The following FBXL13 variants were observed in gnomAD, a reference collection of about 807,000 sequenced individuals.
The protein encoded by FBXL13 is F-box and leucine rich repeat protein 13.
A neutral mutation model predicts 83.6 loss-of-function variants in FBXL13; 67 were observed. The observed-to-expected ratio is 0.80, with a 90% CI of 0.66 to 0.98. The LOEUF is 0.98. FBXL13 is among the 50% of genes least tolerant of loss of function. FBXL13 has a pLI of 0.00. For synonymous variants in FBXL13, 272 were observed against 299.5 expected (o/e 0.91, Z 0.95); for missense variants, 822 against 866.5 (o/e 0.95, Z 0.64).
At chr7:102,955,649 A>C (rs1001165764) in intron 8 of FBXL13, among the ~76,000 whole-genome samples, 2 of 151,916 alleles carry the variant, frequency 1.3e-5, no homozygotes, top group East Asian at 3.9e-4. Flanking sequence ...AGCAAGACTA[A>C]TAAAGAAGAG....
intron 8 of FBXL13, among the ~76,000 whole-genome samples, chr7:102,943,344 A>T (rs1278151925): frequency 2.0e-5 from 3 of 152,104 alleles, no homozygotes; most frequent in African/African-American, 4.8e-5. Context: ...ACCAAAAAAA[A>T]AAAAAGCCCA....
intron 16 of FBXL13, among the ~76,000 whole-genome samples, chr7:102,856,749 T>C (rs1806107018): frequency 6.6e-6 from 1 of 152,114 alleles, no homozygotes. Flanking sequence ...ATAAAATGCA[T>C]TGGTGAGGAT....
At position 102,933,930 on chromosome 7, in the gene FBXL13, T is replaced by C. The variant is rs760736260; in HGVS notation, c.725-1997A>G. On this transcript the variant is annotated intron_variant, in intron 8 of 19. Coordinates refer to ENST00000313221, the Ensembl canonical transcript of FBXL13. ...GATGTCAGGATGCGTGTGGTTACCATTGTAATCTTGCTCTGCTTTTGCAAA... is the reference window on the plus strand; with the variant it reads ...GATGTCAGGATGCGTGTGGTTACCACTGTAATCTTGCTCTGCTTTTGCAAA... The C allele has an allele frequency of 3.2e-5, 51 of 1,609,194 alleles. No individual in the cohort carries two copies. The East Asian group carries it at 5.8e-4, about 18-fold the overall frequency.
intron 1 of FBXL13, among the ~76,000 whole-genome samples, chr7:103,061,953 A>AC (rs949947147): frequency 6.6e-6 from 1 of 150,938 alleles, no homozygotes; most frequent in Non-Finnish European, 1.5e-5. Context: ...AAAAAAAAAA[A>AC]AAAACCTGAT....
In FBXL13 at chr7:102,826,724, CATATATATATATATATAT is replaced by C. The variant is rs58307950; in HGVS notation, c.1855-4539_1855-4522del. On this transcript the variant is annotated intron_variant, in intron 18 of 19. Coordinates refer to ENST00000313221, the Ensembl canonical transcript of FBXL13. Reference sequence around the variant, plus strand: ...TGGGAGACAGAGTGAGACCCTGTCTCATATATATATATATATATATATATATATATATATATATATATA... The same window carrying C: ...TGGGAGACAGAGTGAGACCCTGTCTCATATATATATATATATATATATATA... Among the ~76,000 whole-genome samples, 204 of 62,724 alleles carry C rather than the reference CATATATATATATATATAT, an allele frequency of 3.3e-3. 1 individual carries two copies. The highest frequency in any genetic ancestry group is 5.6e-3 in the Non-Finnish European group (146 of 26,258). The allele number at this position is 62,724 out of a possible 152,430, so 41.1% of individuals were successfully genotyped here. A position where few individuals can be genotyped will look rare whatever the true frequency, so the allele number is the denominator to read the frequency against.
intron 8 of FBXL13, among the ~76,000 whole-genome samples, chr7:102,935,234 TTTTC>T (rs1820064760): frequency 1.5e-5 from 2 of 133,374 alleles, no homozygotes; most frequent in African/African-American, 5.2e-5. Context: ...TCCTTTTTTT[TTTTC>T]TTTCTTTTTT....
chr7:102,872,004 A>C (rs1008055966), intron 16 of FBXL13, among the ~76,000 whole-genome samples: 2 of 152,088 alleles, frequency 1.3e-5, no homozygotes, highest in Non-Finnish European at 2.9e-5. Context: ...GACTATGACT[A>C]TGACTCCCCT....
Position 102,959,236 on chromosome 7 carries a change from G to C in FBXL13, c.724+4297C>G, listed in dbSNP as rs76571683. On this transcript the variant is annotated intron_variant, in intron 8 of 19. Transcript: ENST00000313221. Reference sequence around the variant, plus strand: ...GTGTAGCACCAGCAATAATCAATCAGAATTATTCCATTTTGCATAATTTCT... The same window carrying C: ...GTGTAGCACCAGCAATAATCAATCACAATTATTCCATTTTGCATAATTTCT... 1.1e-4 allele frequency among the ~76,000 whole-genome samples: 17 copies of C among 152,086 alleles called. No individual in the cohort carries two copies. In the East Asian group the frequency reaches 2.9e-3, roughly 26 times the overall value.
chr7:103,074,651 A>C (rs575570367), upstream of FBXL13: 1 of 1,271,954 alleles, frequency 7.9e-7, no homozygotes, highest in South Asian at 1.2e-5. Flanking sequence ...CCCCCTTCTA[A>C]CTCCCCACCG....
chr7:103,035,647 ATACT>A (rs1794996847), intron 2 of FBXL13, among the ~76,000 whole-genome samples: 1 of 152,218 alleles, frequency 6.6e-6, no homozygotes, highest in African/African-American at 2.4e-5. Flanking sequence ...GTTCTATAAA[ATACT>A]TAAAGTATCT....
intron 6 of FBXL13, among the ~76,000 whole-genome samples, chr7:102,974,423 G>A (rs745583299): frequency 4.6e-5 from 7 of 152,032 alleles, no homozygotes; most frequent in Non-Finnish European, 8.8e-5. Context: ...CAAACCTTAG[G>A]CCTCAGGCAA....
At chr7:103,057,773 G>A (rs1199113199) in intron 1 of FBXL13, among the ~76,000 whole-genome samples, 1 of 152,138 alleles carries the variant, frequency 6.6e-6, no homozygotes, top group Non-Finnish European at 1.5e-5. Flanking sequence ...AATTACTGAT[G>A]TTTTCTCCAT....
chr7:102,827,099 G>A (rs1799870904), intron 18 of FBXL13: 1 of 452,612 alleles, frequency 2.2e-6, no homozygotes. Flanking sequence ...AAGGAATGGA[G>A]CAGAAGTCAT....
intron 2 of FBXL13, among the ~76,000 whole-genome samples, chr7:103,053,303 C>T (rs184657127): frequency 2.6e-5 from 4 of 152,030 alleles, no homozygotes; most frequent in Non-Finnish European, 5.9e-5. Context: ...CAGGCACCCG[C>T]CACCATGCCC....
intron 8 of FBXL13, among the ~76,000 whole-genome samples, chr7:102,947,440 G>A (rs1055776282): frequency 8.5e-5 from 13 of 152,156 alleles, no homozygotes; most frequent in African/African-American, 2.9e-4. Flanking sequence ...AATTAATCCA[G>A]GCCATCCAAA....
At chr7:102,875,503 C>T (rs1297183199) in intron 16 of FBXL13, among the ~76,000 whole-genome samples, 1 of 152,078 alleles carries the variant, frequency 6.6e-6, no homozygotes, top group African/African-American at 2.4e-5. Flanking sequence ...AAAGTTGGAA[C>T]CCCCGGGTAG....
intron 17 of FBXL13, among the ~76,000 whole-genome samples, chr7:102,847,508 T>C (rs1487033511): frequency 6.6e-6 from 1 of 152,148 alleles, no homozygotes; most frequent in Admixed American, 6.5e-5. Flanking sequence ...GGTAATTCTT[T>C]AACACTCAAT....
chr7:102,887,030 T>C lies in FBXL13; in HGVS notation c.1009-2718A>G, dbSNP rs532337755. Among the ~76,000 whole-genome samples, 15 of 152,334 alleles carry C rather than the reference T, an allele frequency of 9.8e-5. No homozygotes were observed. In the East Asian group the frequency reaches 2.3e-3, roughly 23 times the overall value. On this transcript the variant is annotated intron_variant, in intron 11 of 19. Coordinates refer to ENST00000313221, the Ensembl canonical transcript of FBXL13. ...TCTAAAAAGACTTTGGGAAATATGT[T>C]TCTAAAGCCTGAACAAATTTATGGC... is the stretch of plus-strand genomic sequence containing the variant.
Position 102,888,331 on chromosome 7 carries a change from G to A in FBXL13, c.1009-4019C>T, listed in dbSNP as rs143088779. Reference sequence around the variant, plus strand: ...AGGTGGGCAGATCACGAGGTCAGGAGATTGAGACCATCCTGGCTAATACGG... The same window carrying A: ...AGGTGGGCAGATCACGAGGTCAGGAAATTGAGACCATCCTGGCTAATACGG... On this transcript the variant is annotated intron_variant, in intron 11 of 19. Transcript: ENST00000313221. Among the ~76,000 whole-genome samples the A allele has an allele frequency of 3.8e-3, 578 of 152,316 alleles. 5 individuals are homozygous for A. Among genetic ancestry groups the A allele is most frequent in the African/African-American group, 0.014 (571 of 41,568 alleles).
Sources: gnomAD v4.1 joint callset for allele counts (sites outside exome capture counted in the v4.1 genomes callset) on GRCh38, gnomAD v4.1.1 for gene constraint, MANE v1.5 for transcripts, NCBI Gene and HGNC (gene_info 2026-07-23, HGNC 2026-07-21) for gene names.